Variants in AARS1 observed in about 807,000 individuals in gnomAD.
AARS1 encodes alanine--tRNA ligase, cytoplasmic.
AARS1 carries 72 observed loss-of-function variants against 108.9 expected under a neutral mutation model. That is an observed-to-expected ratio of 0.66 (90% CI 0.55 to 0.80). AARS1 has a LOEUF of 0.80. AARS1 is among the 30% of genes least tolerant of loss of function. AARS1 has a pLI of 0.00. For missense variants in AARS1, 1,193 were observed against 1,233.2 expected, an observed-to-expected ratio of 0.97 and a Z score of 0.49; for synonymous variants, 489 against 465.7, an observed-to-expected ratio of 1.05 and a Z score of -0.64.
chr16:70,279,687 AG>A (rs1960648615), intron 2 of AARS1, among the ~76,000 whole-genome samples: 2 of 150,830 alleles, frequency 1.3e-5, no homozygotes, highest in African/African-American at 4.9e-5. Flanking sequence ...AAAAAAAAAA[AG>A]AAAAGTTTAC....
intron 14 of AARS1, 92 bp from the exon 15 acceptor site, chr16:70,258,309 C>T (rs1433003433): frequency 7.0e-6 from 10 of 1,430,276 alleles, no homozygotes; most frequent in East Asian, 2.5e-5. Flanking sequence ...AGGCAGGACT[C>T]GGGTTCCAAC....
chr16:70,282,756 G>C lies in AARS1; in HGVS notation c.8C>G (p.Ser3Cys), dbSNP rs946227383. MD[S>C]TLTASEIRQR... is the part of the protein sequence containing the mutation. ...CCGGATTTCACTTGCTGTTAGAGTA[G>C]AGTCCATCTTGAAAGTCACCCCAAA... Residue 3 changes from serine (S) to cysteine (C), a missense_variant, in exon 2 of 21, where the codon TCT (serine) becomes TGT (cysteine). Physicochemically the swap from Ser to Cys is moderately radical, Grantham distance 112. Coordinates refer to ENST00000261772, the MANE Select transcript of AARS1 (RefSeq NM_001605.3). 1.4e-5 allele frequency: 22 copies of C among 1,613,826 alleles called. No homozygotes were observed. In the East Asian group the frequency reaches 4.7e-4, roughly 34 times the overall value.
At chr16:70,281,352 C>A (rs921192507) in intron 2 of AARS1, among the ~76,000 whole-genome samples, 2 of 151,336 alleles carry the variant, frequency 1.3e-5, no homozygotes, top group East Asian at 3.9e-4. Flanking sequence ...CTTGGTGAGA[C>A]CCCCATCTCT....
intron 9 of AARS1, among the ~76,000 whole-genome samples, chr16:70,266,137 C>T (rs1028095043): frequency 5.3e-5 from 8 of 152,140 alleles, no homozygotes; most frequent in African/African-American, 1.9e-4. Context: ...TACGGTGAAA[C>T]CCTGTCTCTA....
At position 70,258,965 on chromosome 16, in the gene AARS1, C is replaced by G; in HGVS notation, c.1992+15G>C. The G allele has an allele frequency of 6.2e-7, 1 of 1,613,056 alleles. No homozygotes were observed. Among genetic ancestry groups the G allele is most frequent in the Non-Finnish European group, 8.5e-7 (1 of 1,179,194 alleles). On this transcript the variant is annotated intron_variant, in intron 14 of 20. Transcript: ENST00000261772. ...GGTGTGGGGAGGGGGGGCATTCAGC[C>G]GTCGCCCATCCTACCTTGGCTGCCT...
chr16:70,288,752 A>C (rs1204485953), intron 1 of AARS1, among the ~76,000 whole-genome samples: 1 of 151,586 alleles, frequency 6.6e-6, no homozygotes, highest in Non-Finnish European at 1.5e-5. Context: ...TTTTTAGTAA[A>C]GACGGGGTTT....
At chr16:70,276,793 A>T (rs907782561) in intron 3 of AARS1, among the ~76,000 whole-genome samples, 162 bp from the exon 4 acceptor site, 1 of 152,230 alleles carries the variant, frequency 6.6e-6, no homozygotes, top group African/African-American at 2.4e-5. Flanking sequence ...TACTGAAATC[A>T]CCAAATTATA....
Position 70,259,015 on chromosome 16 carries a change from C to T in AARS1, c.1957G>A (p.Glu653Lys). The T allele has an allele frequency of 6.2e-7, 1 of 1,614,222 alleles. No individual in the cohort carries two copies. Among genetic ancestry groups the T allele is most frequent in the Non-Finnish European group, 8.5e-7 (1 of 1,180,034 alleles). The change falls in exon 14 of 21, where the codon GAA (glutamate) becomes AAA (lysine). Residue 653 changes from glutamate to lysine, a missense_variant. Transcript: ENST00000261772. Reference protein sequence around the residue: ...AMSTQQIKKAEEIANEMIEAA... With the variant: ...AMSTQQIKKAKEIANEMIEAA... ...TCAATCATCTCATTAGCAATCTCTT[C>T]AGCCTTCTTGATCTGTTGGGTGGAC...
chr16:70,289,365 A>G (rs1057474511), intron 1 of AARS1, 56 bp downstream of exon 1: 6 of 354,316 alleles, frequency 1.7e-5, no homozygotes, highest in Non-Finnish European at 2.8e-5. Flanking sequence ...CTTTCCCCCC[A>G]GTCTGCGGGC....
At chr16:70,257,494 T>A (rs1360352678) in intron 15 of AARS1, among the ~76,000 whole-genome samples, 3 of 152,164 alleles carry the variant, frequency 2.0e-5, no homozygotes, top group Non-Finnish European at 2.9e-5. Flanking sequence ...CACCATGACC[T>A]TCCCAAAAAG....
intron 2 of AARS1, among the ~76,000 whole-genome samples, chr16:70,277,911 C>A (rs1960587973): frequency 6.6e-6 from 1 of 152,012 alleles, no homozygotes; most frequent in Non-Finnish European, 1.5e-5. Context: ...TACAGGTACA[C>A]CTGGCTAATT....
chr16:70,289,505 G>A lies in AARS1; in HGVS notation c.-106C>T. ...CACCTATTCCCGCAGACGCGCAGCT[G>A]TACCGGCCTCAGACCACGACCTACC... On this transcript the variant is annotated 5_prime_UTR_variant, in exon 1 of 21. Coordinates refer to ENST00000261772, the MANE Select transcript of AARS1 (RefSeq NM_001605.3). 6.6e-6 allele frequency: 3 copies of A among 452,626 alleles called. No homozygotes were observed. The highest frequency in any genetic ancestry group is 3.1e-5 in the South Asian group (2 of 64,372). 28.0% of individuals were successfully genotyped at this position (452,626 alleles called of 1,614,324 possible). A position where few individuals can be genotyped will look rare whatever the true frequency, so the allele number is the denominator to read the frequency against.
intron 1 of AARS1, among the ~76,000 whole-genome samples, chr16:70,285,665 T>C (rs370843441): frequency 1.3e-5 from 2 of 152,042 alleles, no homozygotes; most frequent in East Asian, 3.9e-4. Flanking sequence ...CTCAGCCTGG[T>C]CTCGAACTCC....
In AARS1 at chr16:70,252,342, A is replaced by G. The variant is rs1235652583; in HGVS notation, c.*379T>C. On this transcript the variant is annotated 3_prime_UTR_variant, in exon 21 of 21. Coordinates refer to ENST00000261772, the MANE Select transcript of AARS1 (RefSeq NM_001605.3). ...TCTACAGACGCCAAAGGCTGTCAAAAGAGCCAGCCCCTATTGGGAAGAGGG... is the reference window on the plus strand; with the variant it reads ...TCTACAGACGCCAAAGGCTGTCAAAGGAGCCAGCCCCTATTGGGAAGAGGG... 2.9e-6 allele frequency: 1 copy of G among 345,174 alleles called. No homozygotes were observed. Among genetic ancestry groups the G allele is most frequent in the Non-Finnish European group, 5.4e-6 (1 of 185,270 alleles). The allele number at this position is 345,174 out of a possible 1,614,324, so 21.4% of individuals were successfully genotyped here.
chr16:70,261,982 T>A (rs1960143095), intron 12 of AARS1, among the ~76,000 whole-genome samples: 1 of 152,028 alleles, frequency 6.6e-6, no homozygotes, highest in African/African-American at 2.4e-5. Flanking sequence ...TCTTTGAGTA[T>A]CTAAAAGCCT....
intron 14 of AARS1, 68 bp downstream of exon 14, chr16:70,258,912 A>G: frequency 6.6e-7 from 1 of 1,510,732 alleles, no homozygotes; most frequent in Non-Finnish European, 9.2e-7. Flanking sequence ...AGAGCACCGC[A>G]CTGCTAAGAC....
chr16:70,255,175 G>T (rs2152151208), intron 16 of AARS1, among the ~76,000 whole-genome samples: 1 of 151,396 alleles, frequency 6.6e-6, no homozygotes, highest in Middle Eastern at 3.4e-3. Flanking sequence ...GACAGGAGGG[G>T]GTAGATGGCC....
chr16:70,254,003 C>T lies in AARS1; in HGVS notation c.2436G>A (p.Lys812=), dbSNP rs780744801. The change falls in exon 18 of 21, where the codon AAG becomes AAA. Residue 812 remains lysine (K), a synonymous_variant. Coordinates refer to ENST00000261772, the MANE Select transcript of AARS1 (RefSeq NM_001605.3). ...ATTTGAGAGTCTCCCGCAATTCATCCTTCTGCCACTGGGGGATGACTGCAG... is the reference window on the plus strand; with the variant it reads ...ATTTGAGAGTCTCCCGCAATTCATCTTTCTGCCACTGGGGGATGACTGCAG... ...LATAVIPQWQ[K]DELRETLKSL... The T allele has an allele frequency of 6.2e-7, 1 of 1,614,176 alleles. No individual in the cohort carries two copies. The highest frequency in any genetic ancestry group is 8.5e-7 in the Non-Finnish European group (1 of 1,180,036).
intron 1 of AARS1, among the ~76,000 whole-genome samples, chr16:70,287,050 G>A (rs1397838650): frequency 1.3e-5 from 2 of 151,690 alleles, no homozygotes; most frequent in African/African-American, 4.8e-5. Context: ...AGGAGATCGA[G>A]ACCATCCTGG....
Sources: allele counts gnomAD v4.1 joint callset (sites outside exome capture counted in the v4.1 genomes callset), GRCh38; gene constraint gnomAD v4.1.1; transcripts MANE v1.5; gene names NCBI Gene and HGNC (gene_info 2026-07-23, HGNC 2026-07-21).